ADGRL3: variants seen among roughly 807,000 people sequenced by gnomAD.
The protein encoded by ADGRL3 is calcium-independent alpha-latrotoxin receptor 3.
Under a neutral mutation model 153.5 loss-of-function variants are expected in ADGRL3, and 62 were observed. The observed-to-expected ratio is 0.40, with a 90% CI of 0.33 to 0.50. ADGRL3 has a LOEUF of 0.50. ADGRL3 is among the 20% of genes least tolerant of loss of function. The probability of loss-of-function intolerance (pLI) is 0.47; values close to 1 mark genes in which losing one functional copy is unlikely to be tolerated. For missense variants in ADGRL3, 1,641 were observed against 1,859.4 expected (o/e 0.88, Z 2.16); for synonymous variants, 710 against 672.5 (o/e 1.06, Z -0.86).
chr4:61,807,050 C>T (rs978779012), intron 8 of ADGRL3, among the ~76,000 whole-genome samples: 5 of 152,068 alleles, frequency 3.3e-5, no homozygotes. Flanking sequence ...GAGTCACACA[C>T]ATACTGATTG....
chr4:61,532,820 G>A (rs1381115068), intron 4 of ADGRL3, among the ~76,000 whole-genome samples: 1 of 151,750 alleles, frequency 6.6e-6, no homozygotes, highest in Non-Finnish European at 1.5e-5. Flanking sequence ...GCATCTCAGC[G>A]GATCAGCAGG....
At chr4:61,539,757 G>A (rs1407232164) in intron 4 of ADGRL3, among the ~76,000 whole-genome samples, 3 of 152,078 alleles carry the variant, frequency 2.0e-5, no homozygotes, top group Admixed American at 6.6e-5. Flanking sequence ...CTTTCTCCCC[G>A]ACAATTTGGT....
At chr4:61,931,311 G>T (rs1254931120) in intron 13 of ADGRL3, among the ~76,000 whole-genome samples, 1 of 152,152 alleles carries the variant, frequency 6.6e-6, no homozygotes, top group African/African-American at 2.4e-5. Flanking sequence ...AATTCAGTGT[G>T]GCTATTTAGC....
rs139889979 is a variant in ADGRL3 at position 61,593,699 on chromosome 4, G to A, written c.473+6259G>A. On this transcript the variant is annotated intron_variant, in intron 5 of 26. Transcript: ENST00000683033. ...CATTTGGGTTTTTTGTTTTGTTTCG[G>A]TTTGGTTTTTTCCCTCTGGCTGCTT... Among the ~76,000 whole-genome samples the A allele has an allele frequency of 4.4e-3, 666 of 152,130 alleles. 2 individuals carry two copies. Among genetic ancestry groups the A allele is most frequent in the African/African-American group, 0.015 (624 of 41,528 alleles).
At chr4:61,819,018 T>C (rs540263256) in intron 9 of ADGRL3, among the ~76,000 whole-genome samples, 30 of 152,310 alleles carry the variant, frequency 2.0e-4, no homozygotes, top group African/African-American at 5.8e-4. Flanking sequence ...GTTGGTATAA[T>C]AATATCATTA....
chr4:61,637,086 C>T lies in ADGRL3; in HGVS notation c.474-39740C>T, dbSNP rs1344810926. Reference sequence around the variant, plus strand: ...CAAAAACTAAGACCAGCACAGAGAGCCACTGTTACAGGTTGAACTGTGCAT... The same window carrying T: ...CAAAAACTAAGACCAGCACAGAGAGTCACTGTTACAGGTTGAACTGTGCAT... On this transcript the variant is annotated intron_variant, in intron 5 of 26. Coordinates refer to ENST00000683033, the MANE Select transcript of ADGRL3 (RefSeq NM_001387552.1). Among the ~76,000 whole-genome samples, 3 of 152,030 alleles carry T rather than the reference C, an allele frequency of 2.0e-5. No homozygotes were observed. The East Asian group carries it at 5.8e-4, about 29-fold the overall frequency.
At chr4:61,538,794 G>T (rs2098672860) in intron 4 of ADGRL3, among the ~76,000 whole-genome samples, 1 of 152,054 alleles carries the variant, frequency 6.6e-6, no homozygotes, top group Non-Finnish European at 1.5e-5. Context: ...CCAGTAGATG[G>T]GCATGTGCCT....
intron 9 of ADGRL3, among the ~76,000 whole-genome samples, chr4:61,817,083 A>C (rs1156876959): frequency 1.3e-5 from 2 of 151,170 alleles, no homozygotes; most frequent in African/African-American, 4.9e-5. Context: ...AACTTTGAAC[A>C]CTGACAAGCT....
At chr4:62,063,406 A>C (rs1424220545) in intron 25 of ADGRL3, 1 of 553,632 alleles carries the variant, frequency 1.8e-6, no homozygotes, top group African/African-American at 1.9e-5. Flanking sequence ...GGACTGTATC[A>C]ATTGTTGTCA....
intron 2 of ADGRL3, among the ~76,000 whole-genome samples, chr4:61,434,300 T>C (rs2097416051): frequency 6.6e-6 from 1 of 152,090 alleles, no homozygotes; most frequent in African/African-American, 2.4e-5. Context: ...AAATTCTGTA[T>C]TAATTGACAC....
chr4:61,269,169 G>A (rs1009441468), intron 1 of ADGRL3, among the ~76,000 whole-genome samples: 10 of 151,660 alleles, frequency 6.6e-5, no homozygotes, highest in Admixed American at 6.6e-4. Context: ...TGGCTGGCAG[G>A]TGCAGTGTCT....
chr4:61,504,455 G>C (rs1442651147), intron 3 of ADGRL3, among the ~76,000 whole-genome samples: 1 of 152,014 alleles, frequency 6.6e-6, no homozygotes, highest in Non-Finnish European at 1.5e-5. Context: ...GTTACTCCAG[G>C]GTAATTAGGG....
intron 8 of ADGRL3, among the ~76,000 whole-genome samples, chr4:61,754,961 A>G (rs976251166): frequency 1.8e-4 from 27 of 152,280 alleles, no homozygotes; most frequent in African/African-American, 6.0e-4. Flanking sequence ...ATCATTTTTT[A>G]TGGCTGCATA....
intron 1 of ADGRL3, among the ~76,000 whole-genome samples, chr4:61,368,368 G>A (rs1403689561): frequency 6.6e-6 from 1 of 152,084 alleles, no homozygotes; most frequent in African/African-American, 2.4e-5. Context: ...TAGGTTTAAC[G>A]TTTAAGTCTT....
At chr4:61,778,185 CAT>C (rs747934272) in intron 8 of ADGRL3, among the ~76,000 whole-genome samples, 3 of 152,124 alleles carry the variant, frequency 2.0e-5, no homozygotes, top group Non-Finnish European at 4.4e-5. Flanking sequence ...ACTGATGAAA[CAT>C]AAATGAATTC....
intron 8 of ADGRL3, among the ~76,000 whole-genome samples, chr4:61,755,235 AC>A (rs2096810637): frequency 6.6e-6 from 1 of 152,052 alleles, no homozygotes. Flanking sequence ...AGTCCCACCA[AC>A]AGTGTAAAAG....
chr4:61,838,672 A>T (rs2097975419), intron 9 of ADGRL3, among the ~76,000 whole-genome samples: 1 of 152,202 alleles, frequency 6.6e-6, no homozygotes, highest in South Asian at 2.1e-4. Context: ...AAGTTAATGA[A>T]TCAAGTTTTA....
intron 8 of ADGRL3, among the ~76,000 whole-genome samples, chr4:61,803,120 C>A (rs747213874): frequency 2.6e-5 from 4 of 151,910 alleles, no homozygotes; most frequent in Non-Finnish European, 2.9e-5. Context: ...GTACATAGCC[C>A]AGTGAACATT....
intron 22 of ADGRL3, among the ~76,000 whole-genome samples, chr4:62,029,606 A>C (rs557185726): frequency 2.6e-5 from 4 of 151,550 alleles, no homozygotes; most frequent in African/African-American, 9.7e-5. Flanking sequence ...CAACCTTGCT[A>C]TAGACTTTCA....
Sources: allele counts gnomAD v4.1 joint callset (sites outside exome capture counted in the v4.1 genomes callset), GRCh38; gene constraint gnomAD v4.1.1; transcripts MANE v1.5; gene names NCBI Gene and HGNC (gene_info 2026-07-23, HGNC 2026-07-21).